SMCHD1: variants seen among roughly 807,000 people sequenced by gnomAD.
The protein encoded by SMCHD1 is structural maintenance of chromosomes flexible hinge domain-containing protein 1.
SMCHD1 carries 78 observed loss-of-function variants against 254.7 expected under a neutral mutation model. The ratio of observed to expected loss-of-function variants is 0.31; its 90% CI spans 0.26 to 0.37. The LOEUF is 0.37. SMCHD1 is among the 10% of genes least tolerant of loss of function. The pLI is 1.00. For missense variants in SMCHD1, 1,840 were observed against 2,408.1 expected (o/e 0.76, Z 4.94); for synonymous variants, 766 against 794.9 (o/e 0.96, Z 0.61).
intron 17 of SMCHD1, among the ~76,000 whole-genome samples, chr18:2,711,498 T>TTC (rs1400071778): frequency 8.1e-5 from 12 of 148,278 alleles, no homozygotes; most frequent in Non-Finnish European, 1.6e-4. Context: ...TTTTTTTTTT[T>TTC]TTGAGACGGA....
intron 12 of SMCHD1, among the ~76,000 whole-genome samples, chr18:2,702,620 A>T (rs2074428618): frequency 1.3e-5 from 2 of 152,192 alleles, no homozygotes; most frequent in South Asian, 4.1e-4. Context: ...GTACCTAGTT[A>T]TAGGAGTAAG....
At chr18:2,681,431 GA>G (rs1555628881) in intron 5 of SMCHD1, among the ~76,000 whole-genome samples, 1 of 114,216 alleles carries the variant, frequency 8.8e-6, no homozygotes, top group Non-Finnish European at 2.0e-5. Context: ...AAAAAAAAAG[GA>G]AAATTAGCCA....
chr18:2,679,975 CAT>C (rs1228641181), intron 5 of SMCHD1, among the ~76,000 whole-genome samples: 1 of 152,108 alleles, frequency 6.6e-6, no homozygotes, highest in Admixed American at 6.5e-5. Context: ...CAAATCTGCT[CAT>C]GAGTCTCTTA....
At chr18:2,785,884 T>C (rs2076232443) in intron 45 of SMCHD1, among the ~76,000 whole-genome samples, 2 of 152,204 alleles carry the variant, frequency 1.3e-5, no homozygotes, top group Non-Finnish European at 2.9e-5. Flanking sequence ...TAATTTCACT[T>C]GGCATAATGT....
chr18:2,740,545 G>A (rs956559015), intron 27 of SMCHD1, among the ~76,000 whole-genome samples, 158 bp from the exon 28 acceptor site: 15 of 151,888 alleles, frequency 9.9e-5, no homozygotes, highest in Admixed American at 3.9e-4. Context: ...TTATTTTGTC[G>A]TGAATTTAAA....
At chr18:2,694,446 C>T (rs917793875) in intron 7 of SMCHD1, 81 bp from the exon 8 acceptor site, 1 of 1,193,782 alleles carries the variant, frequency 8.4e-7, no homozygotes, top group Non-Finnish European at 1.2e-6. Context: ...AAGTAAATCA[C>T]ATTAAAATTT....
At chr18:2,761,999 T>C in intron 35 of SMCHD1, 106 bp from the exon 36 acceptor site, 1 of 856,460 alleles carries the variant, frequency 1.2e-6, no homozygotes, top group Non-Finnish European at 1.8e-6. Context: ...TTTTAGAAGG[T>C]AACATTTAAT....
chr18:2,658,907 C>T (rs1263777358), intron 1 of SMCHD1, among the ~76,000 whole-genome samples: 2 of 149,112 alleles, frequency 1.3e-5, no homozygotes, highest in Non-Finnish European at 3.0e-5. Flanking sequence ...TACGTGTATA[C>T]GCATATATAC....
At position 2,804,581 on chromosome 18, in the gene SMCHD1, TTC is replaced by T. The variant is rs2076415077; in HGVS notation, c.*2031_*2032del. The stretch of plus-strand genomic sequence containing the variant: ...ATGAATCTCCATTTTTGTGGAGTTT[TTC>T]TACCCTGTAAAAATTAACTTTGTGG... On this transcript the variant is annotated 3_prime_UTR_variant, in exon 48 of 48. Transcript: ENST00000320876. 3.3e-5 allele frequency: 5 copies of T among 152,234 alleles called. No individual in the cohort carries two copies. The highest frequency in any genetic ancestry group is 1.2e-4 in the African/African-American group (5 of 41,466). 9.4% of individuals were successfully genotyped at this position (152,234 alleles called of 1,614,324 possible). A position where few individuals can be genotyped will look rare whatever the true frequency, so the allele number is the denominator to read the frequency against.
intron 1 of SMCHD1, among the ~76,000 whole-genome samples, chr18:2,660,268 C>T (rs888290200): frequency 2.0e-4 from 31 of 151,914 alleles, no homozygotes; most frequent in Non-Finnish European, 1.3e-4. Flanking sequence ...GAAGTTGCAG[C>T]GAGCTGAGAA....
chr18:2,785,843 A>G (rs190057110), intron 45 of SMCHD1, among the ~76,000 whole-genome samples: 10 of 152,168 alleles, frequency 6.6e-5, no homozygotes, highest in Admixed American at 6.5e-4. Context: ...TATAAGTAGA[A>G]TCATACAGAG....
intron 29 of SMCHD1, among the ~76,000 whole-genome samples, chr18:2,744,567 T>C (rs1025909586): frequency 2.0e-5 from 3 of 151,958 alleles, no homozygotes; most frequent in Non-Finnish European, 4.4e-5. Flanking sequence ...ATTCTCATAC[T>C]TTTTTTTGTG....
chr18:2,726,771 G>A (rs2143441019), intron 22 of SMCHD1: 1 of 218,068 alleles, frequency 4.6e-6, no homozygotes, highest in East Asian at 1.1e-4. Context: ...TTGGGGAACT[G>A]TTTCTTGGAA....
intron 7 of SMCHD1, among the ~76,000 whole-genome samples, chr18:2,692,197 G>A (rs1183107387): frequency 1.3e-5 from 2 of 152,140 alleles, no homozygotes; most frequent in African/African-American, 4.8e-5. Context: ...TCATTTCCAG[G>A]TTCAATTAGA....
At position 2,725,085 on chromosome 18, in the gene SMCHD1, C is replaced by T. The variant is rs977472214; in HGVS notation, c.2700+90C>T. ...AATTGTAAATGAAAAGTGGAATGAC[C>T]TATTTTTAAAAAACAGATGACAGTA... On this transcript the variant is annotated intron_variant, in intron 21 of 47. Transcript: ENST00000320876. The T allele has an allele frequency of 7.5e-5, 58 of 778,474 alleles. No individual in the cohort carries two copies. In the African/African-American group the frequency reaches 8.3e-4, roughly 11 times the overall value. 48.2% of individuals were successfully genotyped at this position (778,474 alleles called of 1,614,324 possible). A position where few individuals can be genotyped will look rare whatever the true frequency, so the allele number is the denominator to read the frequency against.
At chr18:2,657,717 C>A (rs993049269) in intron 1 of SMCHD1, among the ~76,000 whole-genome samples, 11 of 152,170 alleles carry the variant, frequency 7.2e-5, no homozygotes, top group African/African-American at 1.7e-4. Context: ...TCAGAAGTTT[C>A]TTTAAACGTA....
Position 2,705,822 on chromosome 18 carries a change from G to A in SMCHD1, c.1956+15G>A. 3 of 1,429,054 alleles carry A rather than the reference G, an allele frequency of 2.1e-6. No individual in the cohort carries two copies. The highest frequency in any genetic ancestry group is 2.9e-6 in the Non-Finnish European group (3 of 1,020,768). The allele number at this position is 1,429,054 out of a possible 1,614,324, so 88.5% of individuals were successfully genotyped here. Reference sequence around the variant, plus strand: ...AAATTGCAATGGTAAGACAGCAAGTGATAAAACATACTGAAAGTTTCTTGA... The same window carrying A: ...AAATTGCAATGGTAAGACAGCAAGTAATAAAACATACTGAAAGTTTCTTGA... On this transcript the variant is annotated intron_variant, in intron 14 of 47. Transcript: ENST00000320876.
chr18:2,802,952 CT>C lies in SMCHD1; in HGVS notation c.*404del, dbSNP rs2076390075. The C allele has an allele frequency of 1.3e-5, 2 of 158,368 alleles. No individual in the cohort carries two copies. The highest frequency in any genetic ancestry group is 1.3e-4 in the Admixed American group (2 of 15,430). 9.8% of individuals were successfully genotyped at this position (158,368 alleles called of 1,614,324 possible). A position where few individuals can be genotyped will look rare whatever the true frequency, so the allele number is the denominator to read the frequency against. Reference sequence around the variant, plus strand: ...CTATTTCTTGAAAACCTTTTTATTACTTTTGCGTGAATTTATTTAACAAAGA... The same window carrying C: ...CTATTTCTTGAAAACCTTTTTATTACTTTGCGTGAATTTATTTAACAAAGA... On this transcript the variant is annotated 3_prime_UTR_variant, in exon 48 of 48. Transcript: ENST00000320876.
chr18:2,789,573 C>G (rs1283408110), intron 45 of SMCHD1, among the ~76,000 whole-genome samples: 1 of 152,134 alleles, frequency 6.6e-6, no homozygotes, highest in African/African-American at 2.4e-5. Context: ...GATGTTTCAG[C>G]TTACATTTTT....
Sources: gnomAD v4.1 joint callset for allele counts (sites outside exome capture counted in the v4.1 genomes callset) on GRCh38, gnomAD v4.1.1 for gene constraint, MANE v1.5 for transcripts, NCBI Gene and HGNC (gene_info 2026-07-23, HGNC 2026-07-21) for gene names.